Variants in TGFA observed in about 807,000 individuals in gnomAD.
TGFA encodes the protein protransforming growth factor alpha.
A neutral mutation model predicts 21.7 loss-of-function variants in TGFA; 12 were observed. The ratio of observed to expected loss-of-function variants is 0.55; its 90% confidence interval spans 0.35 to 0.90. The LOEUF is 0.90. Ranked by LOEUF, TGFA falls within the 40% of genes least tolerant of loss-of-function variation. TGFA has a pLI of 0.01. For missense variants in TGFA, 178 were observed against 210.8 expected, an observed-to-expected ratio of 0.84 and a Z score of 0.96; for synonymous variants, 79 against 88.1, an observed-to-expected ratio of 0.90 and a Z score of 0.58.
chr2:70,526,370 G>A (rs1490657184), intron 1 of TGFA, among the ~76,000 whole-genome samples: 11 of 152,184 alleles, frequency 7.2e-5, no homozygotes, highest in Admixed American at 3.3e-4. Context: ...AGAAACACAC[G>A]GGGATGATGC....
At chr2:70,456,083 C>G (rs986975484) in intron 4 of TGFA, among the ~76,000 whole-genome samples, 1 of 152,256 alleles carries the variant, frequency 6.6e-6, no homozygotes. Context: ...AACGAGCATG[C>G]CTTTGGTTCT....
At chr2:70,492,165 G>A (rs1349399511) in intron 2 of TGFA, among the ~76,000 whole-genome samples, 3 of 152,090 alleles carry the variant, frequency 2.0e-5, no homozygotes, top group African/African-American at 7.2e-5. Flanking sequence ...CAAAACTTTG[G>A]GACCTGACAT....
At chr2:70,468,656 A>T (rs1184861364) in intron 2 of TGFA, among the ~76,000 whole-genome samples, 3 of 152,116 alleles carry the variant, frequency 2.0e-5, no homozygotes, top group Non-Finnish European at 4.4e-5. Flanking sequence ...TTAGATTCTC[A>T]TAGGAGCGGG....
chr2:70,522,867 C>T (rs540990575), intron 1 of TGFA, among the ~76,000 whole-genome samples: 1 of 152,234 alleles, frequency 6.6e-6, no homozygotes, highest in African/African-American at 2.4e-5. Flanking sequence ...GCACCATTAG[C>T]GGGACATTGT....
At chr2:70,483,309 T>G (rs1175565535) in intron 2 of TGFA, among the ~76,000 whole-genome samples, 3 of 152,220 alleles carry the variant, frequency 2.0e-5, no homozygotes, top group Non-Finnish European at 4.4e-5. Context: ...TAAACAATCT[T>G]CAGGCATTTT....
At chr2:70,456,810 G>C (rs1237594849) in intron 3 of TGFA, among the ~76,000 whole-genome samples, 1 of 152,092 alleles carries the variant, frequency 6.6e-6, no homozygotes, top group African/African-American at 2.4e-5. Context: ...CATGACATAA[G>C]CCTCATGTTG....
At chr2:70,527,661 C>T (rs1300328330) in intron 1 of TGFA, among the ~76,000 whole-genome samples, 1 of 152,162 alleles carries the variant, frequency 6.6e-6, no homozygotes, top group Non-Finnish European at 1.5e-5. Context: ...AAAATTGACT[C>T]ATCAATTGTA....
chr2:70,503,138 A>G (rs113750376), intron 2 of TGFA, among the ~76,000 whole-genome samples: 11,899 of 152,192 alleles, frequency 0.078, 624 homozygotes, highest in African/African-American at 0.15. Context: ...TGTTTATTGC[A>G]GCACTATTCA....
chr2:70,518,175 C>T (rs547702703), intron 1 of TGFA, among the ~76,000 whole-genome samples: 8 of 152,340 alleles, frequency 5.3e-5, no homozygotes, highest in African/African-American at 1.9e-4. Flanking sequence ...CCTTGCCCGC[C>T]GCAGGCCCTC....
intron 2 of TGFA, among the ~76,000 whole-genome samples, chr2:70,491,158 C>T (rs1671421194): frequency 1.3e-5 from 2 of 152,172 alleles, no homozygotes; most frequent in South Asian, 4.1e-4. Flanking sequence ...CACCAGAAAC[C>T]CAGCAAGTTT....
intron 2 of TGFA, among the ~76,000 whole-genome samples, chr2:70,472,383 G>C (rs907856277): frequency 7.9e-5 from 12 of 152,308 alleles, no homozygotes; most frequent in Admixed American, 7.8e-4. Context: ...CTGTTGCCAT[G>C]AAATTTATGA....
At chr2:70,457,741 CATG>C (rs1314508599) in intron 3 of TGFA, among the ~76,000 whole-genome samples, 1 of 152,044 alleles carries the variant, frequency 6.6e-6, no homozygotes, top group Non-Finnish European at 1.5e-5. Context: ...GGGGTTTCAC[CATG>C]TTGGCCACGC....
chr2:70,530,309 C>G (rs419940), intron 1 of TGFA, among the ~76,000 whole-genome samples: 1 of 152,184 alleles, frequency 6.6e-6, no homozygotes, highest in East Asian at 1.9e-4. Flanking sequence ...GCCCACCATC[C>G]CTGAAATATT....
chr2:70,497,915 T>C (rs1360116496), intron 2 of TGFA, among the ~76,000 whole-genome samples: 1 of 152,256 alleles, frequency 6.6e-6, no homozygotes, highest in African/African-American at 2.4e-5. Context: ...TGCATTGTTC[T>C]GCCTTGAAAA....
rs539024564 is a variant in TGFA, at chr2:70,539,388, C to T, written c.40+14340G>A. Among the ~76,000 whole-genome samples, 6 of 105,230 alleles carry T rather than the reference C, an allele frequency of 5.7e-5. 1 individual carries two copies. Among genetic ancestry groups the T allele is most frequent in the Admixed American group, 4.7e-4 (5 of 10,694 alleles). 69.0% of individuals were successfully genotyped at this position (105,230 alleles called of 152,430 possible). On this transcript the variant is annotated intron_variant, in intron 1 of 5. Coordinates refer to ENST00000295400, the MANE Select transcript of TGFA (RefSeq NM_003236.4). ...TCTGGGAACACAGCCTGAAGCAATCCAATGGAAGAAAAAAAAATCACAATT... is the reference window on the plus strand; with the variant it reads ...TCTGGGAACACAGCCTGAAGCAATCTAATGGAAGAAAAAAAAATCACAATT...
At chr2:70,511,441 T>C (rs868967212) in intron 2 of TGFA, among the ~76,000 whole-genome samples, 2 of 152,196 alleles carry the variant, frequency 1.3e-5, no homozygotes, top group African/African-American at 4.8e-5. Flanking sequence ...AGCAGAGACA[T>C]GAATACATTT....
intron 3 of TGFA, among the ~76,000 whole-genome samples, chr2:70,462,326 G>A (rs1559100679): frequency 6.6e-6 from 1 of 152,226 alleles, no homozygotes; most frequent in Non-Finnish European, 1.5e-5. Flanking sequence ...GCCATCAGGG[G>A]GTAAGGAGTG....
At chr2:70,459,837 C>T (rs1553491246) in intron 3 of TGFA, among the ~76,000 whole-genome samples, 1 of 152,238 alleles carries the variant, frequency 6.6e-6, no homozygotes, top group East Asian at 1.9e-4. Context: ...GCTCAACTCC[C>T]AGTCCCACAC....
chr2:70,454,181 A>G (rs1372216089), intron 4 of TGFA, among the ~76,000 whole-genome samples: 1 of 152,108 alleles, frequency 6.6e-6, no homozygotes, highest in Non-Finnish European at 1.5e-5. Flanking sequence ...GTTAGGAGAA[A>G]TTTCCTAAGG....
Sources: gnomAD v4.1 joint callset for allele counts (sites outside exome capture counted in the v4.1 genomes callset) on GRCh38, gnomAD v4.1.1 for gene constraint, MANE v1.5 for transcripts, NCBI Gene and HGNC (gene_info 2026-07-23, HGNC 2026-07-21) for gene names.